RBFOX1: variants seen among roughly 807,000 people sequenced by gnomAD.
RBFOX1 encodes RNA binding protein fox-1 homolog 1.
RBFOX1 carries 8 observed loss-of-function variants against 57.7 expected under a neutral mutation model. That is an observed-to-expected ratio of 0.14 (90% CI 0.08 to 0.25). The LOEUF is 0.25. Ranked by LOEUF, RBFOX1 falls within the 10% of genes least tolerant of loss-of-function variation. RBFOX1 has a pLI of 1.00. For missense variants in RBFOX1, 611 were observed against 548.5 expected (o/e 1.11, Z -1.14); for synonymous variants, 326 against 222.4 (o/e 1.47, Z -4.15).
At position 5,846,595 on chromosome 16, in the gene RBFOX1, G is replaced by A. The variant is rs138176463; in HGVS notation, c.319-20708G>A. 5.5e-3 allele frequency among the ~76,000 whole-genome samples: 845 copies of A among 152,278 alleles called. 14 individuals carry two copies. The highest frequency in any genetic ancestry group is 0.034 in the Middle Eastern group (10 of 294). On this transcript the variant is annotated intron_variant, in intron 3 of 19. Transcript: ENST00000641259. Reference sequence around the variant, plus strand: ...TGTGGGTGCACAGCCAGTGAGCTGTGGAGCTGAGACCCAACCCTGTCCCAA... The same window carrying A: ...TGTGGGTGCACAGCCAGTGAGCTGTAGAGCTGAGACCCAACCCTGTCCCAA...
intron 3 of RBFOX1, among the ~76,000 whole-genome samples, chr16:5,743,523 T>C (rs565127563): frequency 6.6e-6 from 1 of 152,356 alleles, no homozygotes; most frequent in South Asian, 2.1e-4. Flanking sequence ...TAAAACTGAC[T>C]GGTGCCACAT....
intron 14 of RBFOX1, among the ~76,000 whole-genome samples, chr16:7,704,543 C>G (rs190080376): frequency 3.3e-5 from 5 of 152,128 alleles, no homozygotes; most frequent in Non-Finnish European, 1.5e-5. Context: ...CCATTTCTCT[C>G]TTTACTCCTT....
At chr16:6,560,991 C>G (rs2097172475) in intron 2 of RBFOX1, among the ~76,000 whole-genome samples, 1 of 152,176 alleles carries the variant, frequency 6.6e-6, no homozygotes, top group South Asian at 2.1e-4. Context: ...CAACTTGTAT[C>G]CATCCACTTA....
chr16:5,850,059 C>G (rs1044490510), intron 3 of RBFOX1, among the ~76,000 whole-genome samples: 1 of 152,190 alleles, frequency 6.6e-6, no homozygotes, highest in Non-Finnish European at 1.5e-5. Context: ...CCAGTTTCAG[C>G]CACCCCAGGT....
At chr16:5,507,670 G>T (rs1298169690) in intron 2 of RBFOX1, among the ~76,000 whole-genome samples, 1 of 152,196 alleles carries the variant, frequency 6.6e-6, no homozygotes, top group Non-Finnish European at 1.5e-5. Flanking sequence ...ATACTGGAGT[G>T]GGGTGGGTCT....
Position 7,653,866 on chromosome 16 carries a change from C to A in RBFOX1, c.809C>A (p.Ala270Glu). ...ACCGCCGCGGCCGCCTACCGAGGGG[C>A]GCACCTGCGAGGCCGCGGTCGCACC... The part of the protein sequence containing the change: ...AATAAAAYRG[A>E]HLRGRGRTVY... The change falls in exon 12 of 16, where the codon GCG becomes GAG. Residue 270 changes from alanine to glutamate, a missense_variant. This residue lies in a region of RBFOX1 where 267 missense variants were observed against 229.1 expected (regional missense o/e 1.17). Coordinates refer to ENST00000550418, the MANE Select transcript of RBFOX1 (RefSeq NM_018723.4). 1 of 1,604,954 alleles carries A rather than the reference C, an allele frequency of 6.2e-7. No homozygotes were observed. Among genetic ancestry groups the A allele is most frequent in the Non-Finnish European group, 8.5e-7 (1 of 1,179,352 alleles).
intron 3 of RBFOX1, among the ~76,000 whole-genome samples, chr16:6,768,456 C>T (rs990291385): frequency 6.6e-6 from 1 of 151,770 alleles, no homozygotes; most frequent in African/African-American, 2.4e-5. Context: ...GAAAATTCCC[C>T]CCCAGCCCAC....
chr16:6,964,762 T>C (rs2083743247), intron 3 of RBFOX1, among the ~76,000 whole-genome samples: 1 of 152,186 alleles, frequency 6.6e-6, no homozygotes, highest in Non-Finnish European at 1.5e-5. Flanking sequence ...TTGGAGAGCC[T>C]TTAAGAACTT....
chr16:6,064,508 T>G (rs2152467554), intron 1 of RBFOX1, among the ~76,000 whole-genome samples: 1 of 152,288 alleles, frequency 6.6e-6, no homozygotes, highest in South Asian at 2.1e-4. Flanking sequence ...CATTTTCTTT[T>G]CACATAGGCA....
chr16:7,179,816 C>A (rs1268705253), intron 4 of RBFOX1, among the ~76,000 whole-genome samples: 1 of 152,042 alleles, frequency 6.6e-6, no homozygotes, highest in Non-Finnish European at 1.5e-5. Context: ...CTCACTGCAA[C>A]CTACTCCTCC....
At chr16:7,306,143 C>G (rs2096179124) in intron 4 of RBFOX1, among the ~76,000 whole-genome samples, 2 of 152,110 alleles carry the variant, frequency 1.3e-5, no homozygotes, top group African/African-American at 2.4e-5. Context: ...TCAATGTTCT[C>G]CGTTCCTTTG....
chr16:7,178,684 C>G (rs981704323), intron 4 of RBFOX1, among the ~76,000 whole-genome samples: 1 of 152,130 alleles, frequency 6.6e-6, no homozygotes, highest in Non-Finnish European at 1.5e-5. Context: ...TACTCTTCTA[C>G]TTGATGGTAA....
chr16:7,015,515 C>T (rs571097156), intron 3 of RBFOX1, among the ~76,000 whole-genome samples: 3 of 152,238 alleles, frequency 2.0e-5, no homozygotes, highest in African/African-American at 7.2e-5. Context: ...GTGTTTTTCC[C>T]TTCCCAAATC....
chr16:6,637,770 G>A (rs1018295291), intron 2 of RBFOX1, among the ~76,000 whole-genome samples: 1 of 151,774 alleles, frequency 6.6e-6, no homozygotes, highest in African/African-American at 2.4e-5. Context: ...AACACAACAA[G>A]TTGGCGTTAT....
chr16:6,011,031 G>A (rs917390455), intron 4 of RBFOX1, among the ~76,000 whole-genome samples: 5 of 152,148 alleles, frequency 3.3e-5, no homozygotes, highest in African/African-American at 1.2e-4. Flanking sequence ...TTGTAAGGTT[G>A]CATATTTCAT....
intron 4 of RBFOX1, among the ~76,000 whole-genome samples, chr16:7,223,982 A>G (rs1233203724): frequency 6.6e-6 from 1 of 152,022 alleles, no homozygotes; most frequent in Admixed American, 6.5e-5. Context: ...CAGTGCTTTA[A>G]TGTGAATTAT....
At position 7,493,003 on chromosome 16, in the gene RBFOX1, C is replaced by G. The variant is rs550443690; in HGVS notation, c.28-25144C>G. Among the ~76,000 whole-genome samples, 5 of 152,220 alleles carry G rather than the reference C, an allele frequency of 3.3e-5. No individual in the cohort carries two copies. In the East Asian group the frequency reaches 5.8e-4, roughly 18 times the overall value. On this transcript the variant is annotated intron_variant, in intron 4 of 15. Coordinates refer to ENST00000550418, the MANE Select transcript of RBFOX1 (RefSeq NM_018723.4). ...AAGCGATTCTCCTGCCTCAGCCTGC[C>G]GAGTAGCTGGGATTACAGGTGCCTG...
chr16:5,255,457 T>C (rs142963284), intron 1 of RBFOX1, among the ~76,000 whole-genome samples: 8 of 148,126 alleles, frequency 5.4e-5, no homozygotes, highest in Non-Finnish European at 1.2e-4. Context: ...ATCCACTCTC[T>C]TGTGCACCCA....
chr16:7,679,921 T>C lies in RBFOX1; in HGVS notation c.995+3083T>C, dbSNP rs541002050. 5.3e-4 allele frequency among the ~76,000 whole-genome samples: 80 copies of C among 152,306 alleles called. 1 individual carries two copies. The highest frequency in any genetic ancestry group is 9.3e-4 in the Non-Finnish European group (63 of 68,020). ...AATGGGAATAGGTGAACATCTTTTC[T>C]TGGCATTTAGGAAACATTTGGCAAA... On this transcript the variant is annotated intron_variant, in intron 14 of 15. Coordinates refer to ENST00000550418, the MANE Select transcript of RBFOX1 (RefSeq NM_018723.4).
Sources: allele counts gnomAD v4.1 joint callset (sites outside exome capture counted in the v4.1 genomes callset), GRCh38; gene constraint gnomAD v4.1.1; regional missense constraint gnomAD v4.1.1; transcripts MANE v1.5; gene names NCBI Gene and HGNC (gene_info 2026-07-23, HGNC 2026-07-21).